PON1: variants seen among roughly 807,000 people sequenced by gnomAD.
PON1 encodes serum paraoxonase/arylesterase 1.
A neutral mutation model predicts 39.2 loss-of-function variants in PON1; 37 were observed. The observed-to-expected ratio is 0.94, with a 90% CI of 0.73 to 1.24. The LOEUF is 1.24. PON1 is among the 50% of genes most tolerant of loss of function. The pLI is 0.00. For synonymous variants in PON1, 148 were observed against 152.2 expected (o/e 0.97, Z 0.21); for missense variants, 397 against 413.5 (o/e 0.96, Z 0.35).
intron 7 of PON1, among the ~76,000 whole-genome samples, chr7:95,303,471 A>G (rs1807475879): frequency 6.6e-6 from 1 of 152,200 alleles, no homozygotes; most frequent in South Asian, 2.1e-4. Flanking sequence ...TATCTTTGGA[A>G]GCAGTACAGC....
At chr7:95,313,774 A>G (rs1448800152) in intron 4 of PON1, among the ~76,000 whole-genome samples, 1 of 152,116 alleles carries the variant, frequency 6.6e-6, no homozygotes, top group East Asian at 1.9e-4. Context: ...CACCTGCGGC[A>G]TTAAAAGTGA....
chr7:95,320,806 G>A (rs1378703323), intron 1 of PON1, among the ~76,000 whole-genome samples: 1 of 152,064 alleles, frequency 6.6e-6, no homozygotes, highest in Non-Finnish European at 1.5e-5. Flanking sequence ...AAATGTTCTG[G>A]GCCTAAGAGA....
Position 95,302,210 on chromosome 7 carries a change from A to C in PON1, c.904T>G (p.Ser302Ala), listed in dbSNP as rs1394039007. Residue 302 changes from serine (S) to alanine (A), a missense_variant, in exon 8 of 9, where the codon TCA becomes GCA. Coordinates refer to ENST00000222381, the MANE Select transcript of PON1 (RefSeq NM_000446.7). ...GGTTCATTTTTAAAACTTACCTCTG[A>C]TGCAGGAGGATTCTCTGAGTCATAG... ...FFYDSENPPA[S>A]EVLRIQNILT... 2 of 1,610,478 alleles carry C rather than the reference A, an allele frequency of 1.2e-6. No individual in the cohort carries two copies. The highest frequency in any genetic ancestry group is 1.7e-6 in the Non-Finnish European group (2 of 1,177,890).
chr7:95,316,641 G>T (rs1807775246), intron 3 of PON1, 93 bp downstream of exon 3: 1 of 994,984 alleles, frequency 1.0e-6, no homozygotes. Flanking sequence ...ATTTGAAAGT[G>T]GGCATGGGTA....
At chr7:95,313,260 A>G (rs2116316534) in intron 4 of PON1, among the ~76,000 whole-genome samples, 1 of 152,366 alleles carries the variant, frequency 6.6e-6, no homozygotes, top group East Asian at 1.9e-4. Flanking sequence ...ATAGTCTCAG[A>G]AAATACATGT....
At chr7:95,316,476 T>C (rs186788121) in intron 3 of PON1, among the ~76,000 whole-genome samples, 13 of 152,306 alleles carry the variant, frequency 8.5e-5, no homozygotes, top group African/African-American at 3.1e-4. Flanking sequence ...TTGAATACAC[T>C]GAACTCACAA....
Position 95,316,806 on chromosome 7 carries a change from C to T in PON1, c.146-17G>A, listed in dbSNP as rs773229792. On this transcript the variant is annotated splice_polypyrimidine_tract_variant and intron_variant, in intron 2 of 8. Transcript: ENST00000222381. ...AGCCAGTTTCTGCCAGAAAAGAGAA[C>T]AGAAAGTACAGGTTGTTTCATATTA... is the stretch of plus-strand genomic sequence containing the variant. 5.0e-6 allele frequency: 8 copies of T among 1,601,188 alleles called. No individual in the cohort carries two copies. The Admixed American group carries it at 5.0e-5, about 10-fold the overall frequency.
In PON1 at chr7:95,303,796, G is replaced by A. The variant is rs1405884706; in HGVS notation, c.781-1463C>T. Among the ~76,000 whole-genome samples, 5 of 152,232 alleles carry A rather than the reference G, an allele frequency of 3.3e-5. No individual in the cohort carries two copies. In the East Asian group the frequency reaches 7.7e-4, roughly 24 times the overall value. On this transcript the variant is annotated intron_variant, in intron 7 of 8. Coordinates refer to ENST00000222381, the MANE Select transcript of PON1 (RefSeq NM_000446.7). ...TCTCACACTCCCACAAAGGCAACTC[G>A]AAAAATTCGCATTCCTTGGTCAAGA...
chr7:95,315,332 G>A lies in PON1; in HGVS notation c.360C>T (p.Phe120=), dbSNP rs552505754. The change falls in exon 4 of 9, where the codon TTC becomes TTT. Residue 120 remains phenylalanine (F), a synonymous_variant. Coordinates refer to ENST00000222381, the MANE Select transcript of PON1 (RefSeq NM_000446.7). ...AGTAAATATTGTTACCTTCATCTGT[G>A]AATGTGCTAATCCCATGAGGGTTAA... ...SSFNPHGIST[F]TDEDNAMYLL... 6.2e-7 allele frequency: 1 copy of A among 1,612,754 alleles called. No individual in the cohort carries two copies. The highest frequency in any genetic ancestry group is 1.3e-5 in the African/African-American group (1 of 74,964).
chr7:95,299,355 C>T (rs1156611670), intron 8 of PON1, among the ~76,000 whole-genome samples: 16 of 152,032 alleles, frequency 1.1e-4, no homozygotes, highest in Admixed American at 9.8e-4. Context: ...AAATGAGCAG[C>T]GCATCCTGGA....
At position 95,311,405 on chromosome 7, in the gene PON1, A is replaced by G. The variant is rs201517948; in HGVS notation, c.497+46T>C. ...AGGAAAAACTAAAAGTGGATTAACT[A>G]TCCGCTACAGCTAAAGGAAAATAGA... On this transcript the variant is annotated intron_variant, in intron 5 of 8. Coordinates refer to ENST00000222381, the MANE Select transcript of PON1 (RefSeq NM_000446.7). 143 of 1,609,806 alleles carry G rather than the reference A, an allele frequency of 8.9e-5. 2 individuals are homozygous for G. The highest frequency in any genetic ancestry group is 1.0e-4 in the Admixed American group (6 of 59,968).
At chr7:95,321,184 C>T (rs541761477) in intron 1 of PON1, among the ~76,000 whole-genome samples, 2 of 152,248 alleles carry the variant, frequency 1.3e-5, no homozygotes, top group East Asian at 3.9e-4. Flanking sequence ...TTCACTCACT[C>T]CCAAGGAGGT....
At chr7:95,304,937 T>C (rs554622393) in intron 7 of PON1, among the ~76,000 whole-genome samples, 11 of 152,276 alleles carry the variant, frequency 7.2e-5, no homozygotes, top group African/African-American at 2.2e-4. Context: ...GTCTGTTACA[T>C]TGGGTTCTAT....
intron 7 of PON1, among the ~76,000 whole-genome samples, chr7:95,305,760 G>A (rs1807526274): frequency 6.6e-6 from 1 of 152,112 alleles, no homozygotes; most frequent in Non-Finnish European, 1.5e-5. Context: ...AGTGGCAGGA[G>A]ACGTGGGGCA....
rs1276100403 is a variant in PON1 at position 95,308,924 on chromosome 7, T to A, written c.498-713A>T. ...TTACTGAAAATGTAAGATATATGAGTCTATTTTTCTGCTTTAATGGATACA... is the reference window on the plus strand; with the variant it reads ...TTACTGAAAATGTAAGATATATGAGACTATTTTTCTGCTTTAATGGATACA... On this transcript the variant is annotated intron_variant, in intron 5 of 8. Transcript: ENST00000222381. Among the ~76,000 whole-genome samples the A allele has an allele frequency of 2.0e-5, 3 of 151,896 alleles. No individual in the cohort carries two copies. The East Asian group carries it at 5.8e-4, about 29-fold the overall frequency.
intron 7 of PON1, among the ~76,000 whole-genome samples, chr7:95,304,082 A>G (rs1807489206): frequency 1.3e-5 from 2 of 152,294 alleles, no homozygotes; most frequent in South Asian, 4.1e-4. Context: ...ATCCCTCTCC[A>G]GAACTTTTAA....
intron 1 of PON1, among the ~76,000 whole-genome samples, chr7:95,319,765 G>T (rs1807854882): frequency 6.6e-6 from 1 of 152,120 alleles, no homozygotes; most frequent in Admixed American, 6.5e-5. Context: ...TAAAGCAGTG[G>T]CTTACAAACT....
chr7:95,308,588 A>T (rs2116310214), intron 5 of PON1, among the ~76,000 whole-genome samples: 1 of 152,130 alleles, frequency 6.6e-6, no homozygotes, highest in Non-Finnish European at 1.5e-5. Context: ...TCAGGGCAAA[A>T]ATGTGCTCAC....
intron 8 of PON1, among the ~76,000 whole-genome samples, chr7:95,299,509 C>G (rs139569248): frequency 6.6e-6 from 1 of 151,986 alleles, no homozygotes; most frequent in African/African-American, 2.4e-5. Context: ...AGCGTGTTGC[C>G]AAAGGAGATT....
Sources: allele counts gnomAD v4.1 joint callset (sites outside exome capture counted in the v4.1 genomes callset), GRCh38; gene constraint gnomAD v4.1.1; transcripts MANE v1.5; gene names NCBI Gene and HGNC (gene_info 2026-07-23, HGNC 2026-07-21).